OXR1: variants seen among roughly 807,000 people sequenced by gnomAD.
The protein encoded by OXR1 is oxidation resistance protein 1.
In OXR1, 41 loss-of-function variants were observed where a neutral mutation model predicts 104.6. The ratio of observed to expected loss-of-function variants is 0.39; its 90% CI spans 0.31 to 0.51. The LOEUF (loss-of-function observed/expected upper bound fraction) is 0.51, where lower values mean the gene tolerates loss of function less well. Among genes scored for constraint, OXR1 ranks in the 20% least tolerant of loss-of-function variants. OXR1 has a pLI of 0.77. For missense variants in OXR1, 955 were observed against 1,031.9 expected, an observed-to-expected ratio of 0.93 and a Z score of 1.02; for synonymous variants, 348 against 348.4, an observed-to-expected ratio of 1.00 and a Z score of 0.01.
rs200414485 is a variant in OXR1, at chr8:106,445,037, T to C, written c.24-73906T>C. Among the ~76,000 whole-genome samples the C allele has an allele frequency of 2.5e-4, 38 of 152,216 alleles. No individual in the cohort carries two copies. The East Asian group carries it at 6.6e-3, about 26-fold the overall frequency. On this transcript the variant is annotated intron_variant, in intron 2 of 16. Transcript: ENST00000517566. ...TCAAGGAGAGTTCTTCTTCTAGTGT[T>C]TCTAAATCCTTTGTCTAATGAGTCT...
intron 2 of OXR1, among the ~76,000 whole-genome samples, chr8:106,450,672 C>A (rs1001192115): frequency 1.3e-5 from 2 of 151,956 alleles, no homozygotes; most frequent in African/African-American, 4.8e-5. Context: ...CAGAGCAGAC[C>A]TTTTAAAGCC....
chr8:106,316,513 A>G (rs2130157797), intron 1 of OXR1, among the ~76,000 whole-genome samples: 1 of 152,184 alleles, frequency 6.6e-6, no homozygotes, highest in South Asian at 2.1e-4. Context: ...ACTTAGAGTG[A>G]TTTTTTCTTT....
intron 1 of OXR1, among the ~76,000 whole-genome samples, chr8:106,271,493 G>T (rs1180367525): frequency 6.6e-6 from 1 of 152,044 alleles, no homozygotes; most frequent in Non-Finnish European, 1.5e-5. Context: ...GGTGTTTTTG[G>T]CCGGGAAGTC....
At chr8:106,336,780 T>G (rs1180727297) in intron 1 of OXR1, among the ~76,000 whole-genome samples, 1 of 152,188 alleles carries the variant, frequency 6.6e-6, no homozygotes, top group Non-Finnish European at 1.5e-5. Flanking sequence ...TTGGGCCCTG[T>G]GGCAGGTTGA....
At chr8:106,619,136 T>C (rs2130835180) in intron 3 of OXR1, among the ~76,000 whole-genome samples, 1 of 152,336 alleles carries the variant, frequency 6.6e-6, no homozygotes, top group East Asian at 1.9e-4. Context: ...GGTTAGTTTT[T>C]CCTCAATCAC....
chr8:106,666,587 C>G (rs1826358522), intron 3 of OXR1, among the ~76,000 whole-genome samples: 1 of 152,026 alleles, frequency 6.6e-6, no homozygotes, highest in African/African-American at 2.4e-5. Flanking sequence ...ACAAAATGGG[C>G]AAGTGGGAAT....
At chr8:106,494,695 A>G (rs1811307554) in intron 2 of OXR1, among the ~76,000 whole-genome samples, 4 of 152,204 alleles carry the variant, frequency 2.6e-5, no homozygotes, top group African/African-American at 9.6e-5. Context: ...GGAAGTGATC[A>G]AAATGTAAAG....
chr8:106,630,177 G>A (rs1381085826), intron 3 of OXR1, among the ~76,000 whole-genome samples: 1 of 152,144 alleles, frequency 6.6e-6, no homozygotes, highest in Non-Finnish European at 1.5e-5. Context: ...AGACAAATGT[G>A]GAACAGTAGA....
intron 3 of OXR1, among the ~76,000 whole-genome samples, chr8:106,606,487 T>A (rs1237729158): frequency 2.0e-5 from 3 of 149,536 alleles, no homozygotes. Context: ...TTTTTTTGTA[T>A]TTTTACTAGA....
intron 3 of OXR1, among the ~76,000 whole-genome samples, chr8:106,654,768 G>T (rs1824910279): frequency 6.6e-6 from 1 of 152,064 alleles, no homozygotes; most frequent in African/African-American, 2.4e-5. Flanking sequence ...AAACCTTTTT[G>T]TACATTGAAA....
chr8:106,541,456 T>G (rs914564362), intron 3 of OXR1, among the ~76,000 whole-genome samples: 1 of 152,242 alleles, frequency 6.6e-6, no homozygotes, highest in African/African-American at 2.4e-5. Context: ...ATTGTTTACA[T>G]TAACCTCTAC....
At chr8:106,616,028 TTC>T (rs376508757) in intron 3 of OXR1, among the ~76,000 whole-genome samples, 5 of 111,548 alleles carry the variant, frequency 4.5e-5, no homozygotes, top group Non-Finnish European at 5.2e-5. Context: ...ATGAAACACC[TTC>T]TTTTTTTTTT....
intron 7 of OXR1, among the ~76,000 whole-genome samples, chr8:106,702,289 A>C: frequency 6.6e-6 from 1 of 152,230 alleles, no homozygotes; most frequent in Non-Finnish European, 1.5e-5. Context: ...ATATATTTAA[A>C]ATTTTATAGC....
At chr8:106,513,712 A>G (rs1362748125) in intron 2 of OXR1, among the ~76,000 whole-genome samples, 1 of 152,196 alleles carries the variant, frequency 6.6e-6, no homozygotes, top group Non-Finnish European at 1.5e-5. Flanking sequence ...TGTGCAGAAC[A>G]CAATTATAGC....
chr8:106,292,600 A>G (rs185486305), intron 1 of OXR1, among the ~76,000 whole-genome samples: 57 of 152,328 alleles, frequency 3.7e-4, no homozygotes, highest in Admixed American at 9.1e-4. Context: ...CTCTGCAGAT[A>G]AAGAGGGACT....
chr8:106,636,770 T>G (rs1823177263), intron 3 of OXR1, among the ~76,000 whole-genome samples: 1 of 152,150 alleles, frequency 6.6e-6, no homozygotes. Flanking sequence ...GAAGGGAATT[T>G]TGGTTTCAAC....
chr8:106,550,710 C>T (rs935651406), intron 3 of OXR1, among the ~76,000 whole-genome samples: 8 of 152,134 alleles, frequency 5.3e-5, no homozygotes, highest in African/African-American at 1.9e-4. Flanking sequence ...GCCTCTTCCC[C>T]TTCCACCATG....
At chr8:106,548,590 G>C (rs908707516) in intron 3 of OXR1, among the ~76,000 whole-genome samples, 4 of 152,130 alleles carry the variant, frequency 2.6e-5, no homozygotes, top group Non-Finnish European at 4.4e-5. Context: ...AAACTAATAA[G>C]TAAGGATGAA....
At chr8:106,285,088 G>A (rs1812442982) in intron 1 of OXR1, among the ~76,000 whole-genome samples, 1 of 151,996 alleles carries the variant, frequency 6.6e-6, no homozygotes. Context: ...ATTTACATTA[G>A]GTATATCTCC....
Sources: gnomAD v4.1 joint callset for allele counts (sites outside exome capture counted in the v4.1 genomes callset) on GRCh38, gnomAD v4.1.1 for gene constraint, MANE v1.5 for transcripts, NCBI Gene and HGNC (gene_info 2026-07-23, HGNC 2026-07-21) for gene names.